The following CACNA1D variants were observed in gnomAD, a reference collection of about 807,000 sequenced individuals.
The protein encoded by CACNA1D is calcium voltage-gated channel subunit alpha1 D.
CACNA1D carries 55 observed loss-of-function variants against 257.1 expected under a neutral mutation model. The observed-to-expected ratio is 0.21, with a 90% CI of 0.17 to 0.27. The LOEUF is 0.27. Ranked by LOEUF, CACNA1D falls within the 10% of genes least tolerant of loss-of-function variation. The pLI is 1.00. For missense variants in CACNA1D, 1,876 were observed against 2,784.0 expected, an observed-to-expected ratio of 0.67 and a Z score of 7.34; for synonymous variants, 980 against 1,014.9, an observed-to-expected ratio of 0.97 and a Z score of 0.65.
chr3:53,735,562 C>T, intron 20 of CACNA1D, 59 bp downstream of exon 20: 14 of 1,595,102 alleles, frequency 8.8e-6, no homozygotes, highest in Non-Finnish European at 1.2e-5. Context: ...GGGCAGAGGC[C>T]ACTGTAGAGA....
chr3:53,644,014 C>A (rs2108226740), intron 3 of CACNA1D, among the ~76,000 whole-genome samples: 1 of 152,322 alleles, frequency 6.6e-6, no homozygotes, highest in African/African-American at 2.4e-5. Flanking sequence ...TGGGAAGGGA[C>A]ATTTAATAAT....
In CACNA1D at chr3:53,811,300, A is replaced by T. The variant is rs1176470369; in HGVS notation, c.6380A>T (p.Asp2127Val). The T allele has an allele frequency of 1.2e-6, 2 of 1,613,672 alleles. No individual in the cohort carries two copies. Among genetic ancestry groups the T allele is most frequent in the Non-Finnish European group, 1.7e-6 (2 of 1,179,900 alleles). Residue 2127 changes from aspartate to valine, a missense_variant, in exon 48 of 48, where the codon GAC (aspartate) becomes GTC (valine). By Grantham distance (152) the Asp-to-Val change is radical. Coordinates refer to ENST00000350061, the MANE Select transcript of CACNA1D (RefSeq NM_001128840.3). The surrounding 1 kb of genome is among the most constrained non-coding windows in gnomAD (Gnocchi z 4.2). Reference sequence around the variant, plus strand: ...GTGGGCCCCCTCTCACACCGGCAGGACTATGAGCTACAGGACTTTGGTCCT... The same window carrying T: ...GTGGGCCCCCTCTCACACCGGCAGGTCTATGAGCTACAGGACTTTGGTCCT... The part of the protein sequence containing the change: ...GDVGPLSHRQ[D>V]YELQDFGPGY...
intron 3 of CACNA1D, among the ~76,000 whole-genome samples, chr3:53,607,184 G>A (rs948705235): frequency 1.3e-5 from 2 of 152,228 alleles, no homozygotes; most frequent in South Asian, 2.1e-4. Flanking sequence ...GGGAAAAATA[G>A]CAAAGACTGC....
chr3:53,641,178 A>G (rs540731016), intron 3 of CACNA1D, among the ~76,000 whole-genome samples: 19 of 152,268 alleles, frequency 1.2e-4, no homozygotes, highest in African/African-American at 4.1e-4. Context: ...CCCATGACAG[A>G]CGTCAGTTGG....
chr3:53,539,260 A>G (rs2092229234), intron 3 of CACNA1D, among the ~76,000 whole-genome samples: 1 of 151,894 alleles, frequency 6.6e-6, no homozygotes, highest in African/African-American at 2.4e-5. Flanking sequence ...CAGATGCCCA[A>G]CACCATGCCT....
intron 8 of CACNA1D, among the ~76,000 whole-genome samples, chr3:53,691,744 TATATAATATATATTACATATA>T (rs1409445543): frequency 9.8e-5 from 5 of 50,990 alleles, no homozygotes; most frequent in African/African-American, 4.6e-4. Context: ...ATATATTACA[TATATAATATATATTACATATA>T]ATATATATAT....
intron 3 of CACNA1D, among the ~76,000 whole-genome samples, chr3:53,547,316 G>C (rs1379348510): frequency 6.6e-6 from 1 of 152,140 alleles, no homozygotes; most frequent in Admixed American, 6.5e-5. Flanking sequence ...CCCTGTGTTA[G>C]GAATGCTGCT....
At chr3:53,713,917 C>T (rs2094790678) in intron 9 of CACNA1D, among the ~76,000 whole-genome samples, 1 of 152,132 alleles carries the variant, frequency 6.6e-6, no homozygotes, top group Non-Finnish European at 1.5e-5. Flanking sequence ...TCTCAGTGCA[C>T]CACACTGTAA....
At chr3:53,737,421 G>A (rs2095069358) in intron 20 of CACNA1D, among the ~76,000 whole-genome samples, 1 of 152,200 alleles carries the variant, frequency 6.6e-6, no homozygotes, top group African/African-American at 2.4e-5. Context: ...AGGAGGATGT[G>A]CATAGATTAT....
intron 3 of CACNA1D, among the ~76,000 whole-genome samples, chr3:53,640,764 AC>A (rs1306706046): frequency 6.6e-6 from 1 of 152,140 alleles, no homozygotes; most frequent in Non-Finnish European, 1.5e-5. Flanking sequence ...TTGGATGCCA[AC>A]TCTACCCAGT....
chr3:53,808,110 A>C, intron 45 of CACNA1D: 1 of 166,384 alleles, frequency 6.0e-6, no homozygotes, highest in Non-Finnish European at 1.3e-5. Flanking sequence ...CAGTTGCCCT[A>C]TGGGCTGCCT....
intron 3 of CACNA1D, among the ~76,000 whole-genome samples, chr3:53,575,772 G>A (rs879754388): frequency 6.6e-5 from 10 of 152,160 alleles, no homozygotes; most frequent in Non-Finnish European, 1.5e-4. Context: ...TCACCAGTCA[G>A]TTCTCTTTAT....
At chr3:53,712,844 C>T (rs74469744) in intron 9 of CACNA1D, among the ~76,000 whole-genome samples, 1,637 of 152,288 alleles carry the variant, frequency 0.011, 23 homozygotes, top group African/African-American at 0.037. Flanking sequence ...AGGCCAAAGA[C>T]ATCTGTGAAT....
chr3:53,561,920 A>C (rs2092747857), intron 3 of CACNA1D, among the ~76,000 whole-genome samples: 1 of 152,192 alleles, frequency 6.6e-6, no homozygotes, highest in African/African-American at 2.4e-5. Context: ...TTGATTACAT[A>C]GTTGATTTGA....
chr3:53,498,844 A>T (rs1165415720), intron 2 of CACNA1D, among the ~76,000 whole-genome samples: 1 of 152,234 alleles, frequency 6.6e-6, no homozygotes, highest in East Asian at 1.9e-4. Context: ...GTGCTTTTTC[A>T]TTTTGCAGCA....
chr3:53,527,025 CT>C (rs1365975904), intron 3 of CACNA1D, among the ~76,000 whole-genome samples: 1 of 152,218 alleles, frequency 6.6e-6, no homozygotes, highest in Non-Finnish European at 1.5e-5. Flanking sequence ...TGTTAGAAAG[CT>C]CTCAAACATT....
At chr3:53,592,286 G>A (rs1401913447) in intron 3 of CACNA1D, among the ~76,000 whole-genome samples, 2 of 152,208 alleles carry the variant, frequency 1.3e-5, no homozygotes, top group African/African-American at 4.8e-5. Context: ...AGTGAAGGGA[G>A]CAAGCTGTGA....
intron 3 of CACNA1D, among the ~76,000 whole-genome samples, chr3:53,625,832 G>T (rs536434084): frequency 6.6e-6 from 1 of 152,162 alleles, no homozygotes; most frequent in Non-Finnish European, 1.5e-5. Flanking sequence ...GTATGGTTGG[G>T]TGAGTGGGCC....
chr3:53,511,483 G>A (rs992113738), intron 3 of CACNA1D, among the ~76,000 whole-genome samples: 2 of 152,210 alleles, frequency 1.3e-5, no homozygotes, highest in Non-Finnish European at 2.9e-5. Flanking sequence ...AGGTCCTTGT[G>A]TAAGGTACAT....
Sources: allele counts gnomAD v4.1 joint callset (sites outside exome capture counted in the v4.1 genomes callset), GRCh38; gene constraint gnomAD v4.1.1; non-coding constraint Gnocchi (gnomAD v3.1); transcripts MANE v1.5; gene names NCBI Gene and HGNC (gene_info 2026-07-23, HGNC 2026-07-21).